TTC22: variants seen among roughly 807,000 people sequenced by gnomAD.
The protein encoded by TTC22 is tetratricopeptide repeat protein 22.
Under a neutral mutation model 48.2 loss-of-function variants are expected in TTC22, and 42 were observed. The observed-to-expected ratio is 0.87, with a 90% CI of 0.68 to 1.13. The LOEUF (loss-of-function observed/expected upper bound fraction) is 1.13. TTC22 is among the 50% of genes most tolerant of loss of function. TTC22 has a pLI of 0.00. For synonymous variants in TTC22, 345 were observed against 365.5 expected (o/e 0.94, Z 0.64); for missense variants, 784 against 807.0 (o/e 0.97, Z 0.34).
Position 54,781,150 on chromosome 1 carries a change from G to T in TTC22, c.*93C>A. 1.1e-6 allele frequency: 1 copy of T among 931,396 alleles called. No homozygotes were observed. Among genetic ancestry groups the T allele is most frequent in the Non-Finnish European group, 1.5e-6 (1 of 683,626 alleles). 57.7% of individuals were successfully genotyped at this position (931,396 alleles called of 1,614,324 possible). On this transcript the variant is annotated 3_prime_UTR_variant, in exon 7 of 7. Coordinates refer to ENST00000371276, the MANE Select transcript of TTC22 (RefSeq NM_001114108.2). Reference sequence around the variant, plus strand: ...TCGAACTGGCTCCGCTCCCAGGTCAGCCTAAGGCAGGGAGTCCATCCGGAC... The same window carrying T: ...TCGAACTGGCTCCGCTCCCAGGTCATCCTAAGGCAGGGAGTCCATCCGGAC...
chr1:54,785,403 A>G (rs1486335299), intron 5 of TTC22: 2 of 288,698 alleles, frequency 6.9e-6, no homozygotes, highest in Non-Finnish European at 1.4e-5. Context: ...CCAGATTTCA[A>G]CTCTGGTCAG....
intron 1 of TTC22, among the ~76,000 whole-genome samples, chr1:54,799,430 C>T (rs1366189727): frequency 6.6e-6 from 1 of 152,202 alleles, no homozygotes; most frequent in Admixed American, 6.5e-5. Context: ...CCATGTAGCC[C>T]CTGCTTCCTG....
At chr1:54,786,241 C>T (rs1646300205) in intron 4 of TTC22, 97 bp from the exon 5 acceptor site, 1 of 1,148,330 alleles carries the variant, frequency 8.7e-7, no homozygotes, top group Non-Finnish European at 1.3e-6. Flanking sequence ...TCTTTGGATA[C>T]AGCCGTATCA....
In TTC22 at chr1:54,787,091, G is replaced by C; in HGVS notation, c.740-16C>G. On this transcript the variant is annotated splice_polypyrimidine_tract_variant and intron_variant, in intron 3 of 6. Transcript: ENST00000371276. ...CAGGCCAGGGCTGGGGGTGAAGGGT[G>C]GGAGAGGGTCTCTAGGAAGCAGCAG... is the stretch of plus-strand genomic sequence containing the variant. 1 of 1,395,340 alleles carries C rather than the reference G, an allele frequency of 7.2e-7. No homozygotes were observed. The allele number at this position is 1,395,340 out of a possible 1,614,324, so 86.4% of individuals were successfully genotyped here.
chr1:54,783,302 C>T lies in TTC22; in HGVS notation c.1021-825G>A, dbSNP rs571631754. On this transcript the variant is annotated intron_variant, in intron 5 of 6. Coordinates refer to ENST00000371276, the MANE Select transcript of TTC22 (RefSeq NM_001114108.2). Reference sequence around the variant, plus strand: ...GACTAGGGTTTGAATTCCAGTCCTTCCCTTAACCCCTAGCTATTAGCCATG... The same window carrying T: ...GACTAGGGTTTGAATTCCAGTCCTTTCCTTAACCCCTAGCTATTAGCCATG... 3.3e-5 allele frequency among the ~76,000 whole-genome samples: 5 copies of T among 152,328 alleles called. No homozygotes were observed. The East Asian group carries it at 9.6e-4, about 29-fold the overall frequency.
Position 54,781,624 on chromosome 1 carries a change from G to A in TTC22, c.1329C>T (p.Arg443=), listed in dbSNP as rs1646263610. 6.5e-7 allele frequency: 1 copy of A among 1,530,176 alleles called. No individual in the cohort carries two copies. The allele number at this position is 1,530,176 out of a possible 1,614,324, so 94.8% of individuals were successfully genotyped here. A position where few individuals can be genotyped will look rare whatever the true frequency, so the allele number is the denominator to read the frequency against. ...ELQLLRGKCL[R]IKGEDANAAA... ...CCGCGTTGGCGTCCTCGCCCTTGAT[G>A]CGCAGGCACTTGCCGCGCAGCAGCT... The change falls in exon 7 of 7, where the codon CGC becomes CGT. Residue 443 remains arginine (R), a synonymous_variant. Transcript: ENST00000371276.
intron 5 of TTC22, among the ~76,000 whole-genome samples, chr1:54,784,235 G>A (rs1156849801): frequency 2.0e-5 from 3 of 152,178 alleles, no homozygotes; most frequent in Non-Finnish European, 4.4e-5. Flanking sequence ...ACGCTTATGG[G>A]CCGCAGCATG....
rs1160370964 is a variant in TTC22, at chr1:54,781,329, C to T, written c.1624G>A (p.Ala542Thr). The T allele has an allele frequency of 7.0e-7, 1 of 1,423,540 alleles. No homozygotes were observed. Among genetic ancestry groups the T allele is most frequent in the Non-Finnish European group, 9.1e-7 (1 of 1,100,274 alleles). The allele number at this position is 1,423,540 out of a possible 1,614,324, so 88.2% of individuals were successfully genotyped here. A position where few individuals can be genotyped will look rare whatever the true frequency, so the allele number is the denominator to read the frequency against. ...ARALVAQGRP[A>T]LVRLLFETME... is the part of the protein sequence containing the mutation. ...GTCTCGAAGAGCAGCCGCACCAGCGCCGGCCGTCCCTGGGCCACCAGGGCC... is the reference window on the plus strand; with the variant it reads ...GTCTCGAAGAGCAGCCGCACCAGCGTCGGCCGTCCCTGGGCCACCAGGGCC... The change falls in exon 7 of 7, where the codon GCG (alanine) becomes ACG (threonine). Residue 542 changes from alanine (A) to threonine (T), a missense_variant. Ala to Thr is a moderately conservative substitution (Grantham distance 58). Transcript: ENST00000371276.
chr1:54,798,888 A>G (rs2101475429), intron 1 of TTC22, among the ~76,000 whole-genome samples: 1 of 152,336 alleles, frequency 6.6e-6, no homozygotes, highest in Middle Eastern at 3.4e-3. Flanking sequence ...AAGAGACGAC[A>G]AGTGACTTGT....
chr1:54,794,526 C>T (rs1416601468), intron 1 of TTC22, among the ~76,000 whole-genome samples: 1 of 152,142 alleles, frequency 6.6e-6, no homozygotes, highest in Non-Finnish European at 1.5e-5. Context: ...AAATATTTGC[C>T]TTGTATTTTG....
At chr1:54,796,594 G>A (rs1320098054) in intron 1 of TTC22, among the ~76,000 whole-genome samples, 1 of 152,244 alleles carries the variant, frequency 6.6e-6, no homozygotes, top group Non-Finnish European at 1.5e-5. Context: ...CTCAGGGCCT[G>A]CCCTGGTGTG....
In TTC22 at chr1:54,801,306, A is replaced by AG. The variant is rs1646437070; in HGVS notation, c.-144dup. The stretch of plus-strand genomic sequence containing the variant: ...CCGGGCGCTGCGGCCTCTCGGTCTC[A>AG]GGGCGCCTCCCGCAGGTGGGTGGGC... On this transcript the variant is annotated 5_prime_UTR_variant, in exon 1 of 7. Transcript: ENST00000371276. The AG allele has an allele frequency of 3.6e-6, 3 of 823,094 alleles. No homozygotes were observed. Among genetic ancestry groups the AG allele is most frequent in the Non-Finnish European group, 5.6e-6 (3 of 531,642 alleles). 51.0% of individuals were successfully genotyped at this position (823,094 alleles called of 1,614,324 possible).
In TTC22 at chr1:54,787,719, C is replaced by T. The variant is rs201094310; in HGVS notation, c.731G>A (p.Arg244His). 61 of 1,611,414 alleles carry T rather than the reference C, an allele frequency of 3.8e-5. No individual in the cohort carries two copies. The Middle Eastern group carries it at 8.3e-4, about 22-fold the overall frequency. ...ATCCCCCGGGTCCCCACCTCGGTGGCGGGGGTCCTCGGACTTCAGCACTTG... is the reference window on the plus strand; with the variant it reads ...ATCCCCCGGGTCCCCACCTCGGTGGTGGGGGTCCTCGGACTTCAGCACTTG... ...LRQVLKSEDP[R>H]HRALAWCYLG... The change falls in exon 3 of 7, where the codon CGC (arginine) becomes CAC (histidine). Residue 244 changes from arginine (R) to histidine (H), a missense_variant. Physicochemically the swap from Arg to His is conservative, Grantham distance 29. Transcript: ENST00000371276.
At chr1:54,798,444 G>A (rs371635682) in intron 1 of TTC22, among the ~76,000 whole-genome samples, 14 of 152,222 alleles carry the variant, frequency 9.2e-5, no homozygotes, top group Admixed American at 9.2e-4. Flanking sequence ...TCCCCAGAGT[G>A]TACTTTCATT....
In TTC22 at chr1:54,800,675, G is replaced by A. The variant is rs202008208; in HGVS notation, c.489C>T (p.Cys163=). The change falls in exon 1 of 7, where the codon TGC becomes TGT. Residue 163 remains cysteine (C), a synonymous_variant. Transcript: ENST00000371276. ...CCCGCGCACGCTCCTCTGGGCTGGCGCAGCCGACGTCGAAGCCATGCGCGT... is the reference window on the plus strand; with the variant it reads ...CCCGCGCACGCTCCTCTGGGCTGGCACAGCCGACGTCGAAGCCATGCGCGT... ...QGYAHGFDVG[C]ASPEERARGL... 4 of 1,550,642 alleles carry A rather than the reference G, an allele frequency of 2.6e-6. No individual in the cohort carries two copies. The highest frequency in any genetic ancestry group is 1.7e-6 in the Non-Finnish European group (2 of 1,158,148).
intron 5 of TTC22, among the ~76,000 whole-genome samples, chr1:54,783,095 T>C (rs1020864541): frequency 6.6e-6 from 1 of 152,004 alleles, no homozygotes; most frequent in African/African-American, 2.4e-5. Flanking sequence ...TCCCCACACT[T>C]AGAGCATTTA....
chr1:54,788,137 G>A (rs1229422301), intron 1 of TTC22, 40 bp from the exon 2 acceptor site: 3 of 1,595,584 alleles, frequency 1.9e-6, no homozygotes, highest in Admixed American at 3.3e-5. Flanking sequence ...CATTACTGAG[G>A]TACTCTGGCC....
At chr1:54,789,692 G>C (rs892356989) in intron 1 of TTC22, among the ~76,000 whole-genome samples, 1 of 152,182 alleles carries the variant, frequency 6.6e-6, no homozygotes, top group Non-Finnish European at 1.5e-5. Context: ...GCAGGCTCTG[G>C]GTCCTGCAAG....
chr1:54,799,626 C>T (rs539559873), intron 1 of TTC22, among the ~76,000 whole-genome samples: 2 of 152,306 alleles, frequency 1.3e-5, no homozygotes, highest in South Asian at 4.1e-4. Context: ...GTGCCTTCCA[C>T]TGAAGGTAGC....
Sources: gnomAD v4.1 joint callset for allele counts (sites outside exome capture counted in the v4.1 genomes callset) on GRCh38, gnomAD v4.1.1 for gene constraint, MANE v1.5 for transcripts, NCBI Gene and HGNC (gene_info 2026-07-23, HGNC 2026-07-21) for gene names.